PANK1: variants seen among roughly 807,000 people sequenced by gnomAD.
PANK1 encodes pantothenate kinase 1.
A neutral mutation model predicts 40.1 loss-of-function variants in PANK1; 18 were observed. That is an observed-to-expected ratio of 0.45 (90% CI 0.31 to 0.67). The LOEUF is 0.67. Among genes scored for constraint, PANK1 ranks in the 30% least tolerant of loss-of-function variants. The pLI, the probability that PANK1 is intolerant of heterozygous loss-of-function variation, is 0.06. For synonymous variants in PANK1, 242 were observed against 237.7 expected (o/e 1.02, Z -0.17); for missense variants, 457 against 599.6 (o/e 0.76, Z 2.48).
At chr10:89,599,146 G>T in intron 3 of PANK1, 106 bp downstream of exon 3, 1 of 1,080,934 alleles carries the variant, frequency 9.3e-7, no homozygotes, top group Non-Finnish European at 1.3e-6. Context: ...GGCCAAGGAG[G>T]CCAAGATATT....
At chr10:89,589,713 C>T (rs1429380947) in intron 5 of PANK1, among the ~76,000 whole-genome samples, 1 of 151,682 alleles carries the variant, frequency 6.6e-6, no homozygotes, top group African/African-American at 2.4e-5. Flanking sequence ...AACCCATTAG[C>T]CACTGAAAAT....
intron 1 of PANK1, among the ~76,000 whole-genome samples, chr10:89,636,014 G>A (rs979443299): frequency 2.6e-5 from 4 of 152,226 alleles, no homozygotes; most frequent in Non-Finnish European, 4.4e-5. Context: ...CTACAGCTTT[G>A]TTTGGTGCTA....
chr10:89,585,248 G>A (rs1023290176), intron 6 of PANK1, among the ~76,000 whole-genome samples: 19 of 152,098 alleles, frequency 1.2e-4, no homozygotes, highest in Non-Finnish European at 2.6e-4. Flanking sequence ...TTATAAGGAT[G>A]CTAATCCCAT....
intron 1 of PANK1, among the ~76,000 whole-genome samples, chr10:89,621,300 C>T (rs1845477694): frequency 8.4e-6 from 1 of 119,236 alleles, no homozygotes; most frequent in Admixed American, 9.0e-5. Context: ...CAAACTCTGT[C>T]TCATAAAAAA....
chr10:89,593,857 T>A lies in PANK1; in HGVS notation c.1032A>T (p.Gly344=). Residue 344 remains glycine (G), a synonymous_variant, in exon 4 of 7, where the codon GGA becomes GGT. Coordinates refer to ENST00000307534, the MANE Select transcript of PANK1 (RefSeq NM_148977.3). ...CTTGAAGGCCAAATCGTTCATAGTC[T>A]CCTCCGTAAATGTCCTTCACCAGTT... is the stretch of plus-strand genomic sequence containing the variant. ...VDKLVKDIYG[G]DYERFGLQGS... 1 of 1,614,022 alleles carries A rather than the reference T, an allele frequency of 6.2e-7. No individual in the cohort carries two copies. The highest frequency in any genetic ancestry group is 8.5e-7 in the Non-Finnish European group (1 of 1,179,882).
chr10:89,598,845 A>G (rs1473547399), intron 3 of PANK1, among the ~76,000 whole-genome samples: 1 of 152,200 alleles, frequency 6.6e-6, no homozygotes, highest in Non-Finnish European at 1.5e-5. Context: ...TTGGAATGGT[A>G]TATTATTTCA....
chr10:89,585,909 G>T (rs1387992365), intron 6 of PANK1, among the ~76,000 whole-genome samples: 1 of 152,166 alleles, frequency 6.6e-6, no homozygotes, highest in East Asian at 1.9e-4. Context: ...ATTTTCTGAG[G>T]AACACATTAT....
At chr10:89,593,053 C>T (rs886947487) in intron 5 of PANK1, 144 bp downstream of exon 5, 71 of 780,310 alleles carry the variant, frequency 9.1e-5, no homozygotes, top group Non-Finnish European at 1.4e-4. Flanking sequence ...CCAACACACA[C>T]CCCTCCTGTT....
At chr10:89,592,057 A>G (rs1844408738) in intron 5 of PANK1, among the ~76,000 whole-genome samples, 1 of 152,206 alleles carries the variant, frequency 6.6e-6, no homozygotes, top group Admixed American at 6.5e-5. Flanking sequence ...ATGTCAAGAA[A>G]TAAACTCTGT....
At position 89,644,532 on chromosome 10, in the gene PANK1, G is replaced by C. The variant is rs532862033; in HGVS notation, c.292+68C>G. 1.6e-5 allele frequency: 23 copies of C among 1,415,916 alleles called. No homozygotes were observed. The African/African-American group carries it at 2.8e-4, about 17-fold the overall frequency. 87.7% of individuals were successfully genotyped at this position (1,415,916 alleles called of 1,614,324 possible). ...GCGTGCTGCGGCGCCTGCCTCAGCC[G>C]CTCCCAGTCCCGGGCCCCGCACGCT... On this transcript the variant is annotated intron_variant, in intron 1 of 6. Transcript: ENST00000307534.
At chr10:89,636,165 T>A (rs1456392241) in intron 1 of PANK1, among the ~76,000 whole-genome samples, 1 of 152,138 alleles carries the variant, frequency 6.6e-6, no homozygotes, top group Non-Finnish European at 1.5e-5. Flanking sequence ...TAGGAGACTC[T>A]CTGCGGTAGC....
chr10:89,629,347 A>G (rs1389961560), intron 1 of PANK1, among the ~76,000 whole-genome samples: 1 of 152,190 alleles, frequency 6.6e-6, no homozygotes, highest in African/African-American at 2.4e-5. Flanking sequence ...TTTTTTTACT[A>G]TAATAATTTT....
Position 89,613,626 on chromosome 10 carries a change from T to C in PANK1, c.293-1578A>G, listed in dbSNP as rs1845227858. 3.3e-5 allele frequency among the ~76,000 whole-genome samples: 5 copies of C among 152,264 alleles called. No individual in the cohort carries two copies. In the South Asian group the frequency reaches 1.0e-3, roughly 31 times the overall value. ...AAAGATTAAGAGCAACAAATTTCAC[T>C]GACAAGACCAAGTTAACAAATGTCT... On this transcript the variant is annotated intron_variant, in intron 1 of 6. Transcript: ENST00000307534.
In PANK1 at chr10:89,604,953, A is replaced by G. The variant is rs531163022; in HGVS notation, c.646-5448T>C. Among the ~76,000 whole-genome samples the G allele has an allele frequency of 1.3e-4, 20 of 151,406 alleles. No individual in the cohort carries two copies. In the East Asian group the frequency reaches 2.9e-3, roughly 22 times the overall value. ...TTTTTAGTAGAGACGGGGTTTCACC[A>G]TGTTAGCCAGGATGGTCTCGATCTC... is the stretch of plus-strand genomic sequence containing the variant. On this transcript the variant is annotated intron_variant, in intron 2 of 6. Transcript: ENST00000307534.
rs778232627 is a variant in PANK1, at chr10:89,618,452, C to A, written c.293-6404G>T. Among the ~76,000 whole-genome samples the A allele has an allele frequency of 4.3e-4, 66 of 152,208 alleles. 1 individual carries two copies. Among genetic ancestry groups the A allele is most frequent in the Admixed American group, 5.2e-4 (8 of 15,266 alleles). On this transcript the variant is annotated intron_variant, in intron 1 of 6. Transcript: ENST00000307534. ...CACCTGAGTAACAGCCTAAATTAGG[C>A]ATCATCCAGATACTGTGCTGGGTGA...
chr10:89,605,258 A>G (rs974431360), intron 2 of PANK1, among the ~76,000 whole-genome samples: 6 of 152,022 alleles, frequency 3.9e-5, no homozygotes, highest in African/African-American at 1.5e-4. Context: ...AATAAACAAA[A>G]ATGAAGTTTG....
intron 5 of PANK1, chr10:89,592,732 G>T (rs758713888): frequency 5.6e-6 from 3 of 534,890 alleles, no homozygotes; most frequent in South Asian, 2.8e-5. Flanking sequence ...GGCTGGCCTT[G>T]GCTGTAGCAA....
chr10:89,645,161 C>T lies in PANK1; in HGVS notation c.-270G>A. On this transcript the variant is annotated 5_prime_UTR_variant, in exon 1 of 7. Transcript: ENST00000307534. ...GCGGAATCGGGGATCCCCGCGCACC[C>T]CCAGCCGGGGCTCCCGCCGCCCGCC... 6.5e-7 allele frequency: 1 copy of T among 1,543,066 alleles called. No homozygotes were observed. The highest frequency in any genetic ancestry group is 1.2e-5 in the South Asian group (1 of 84,230).
At chr10:89,629,850 C>T (rs1841582601) in intron 1 of PANK1, among the ~76,000 whole-genome samples, 1 of 152,150 alleles carries the variant, frequency 6.6e-6, no homozygotes, top group South Asian at 2.1e-4. Flanking sequence ...TTTCCTGAAT[C>T]AAAACTGATT....
Sources: allele counts gnomAD v4.1 joint callset (sites outside exome capture counted in the v4.1 genomes callset), GRCh38; gene constraint gnomAD v4.1.1; transcripts MANE v1.5; gene names NCBI Gene and HGNC (gene_info 2026-07-23, HGNC 2026-07-21).